Variants in EXD3 observed in about 807,000 individuals in gnomAD.
The protein encoded by EXD3 is exonuclease 3'-5' domain containing 3.
In EXD3, 92 loss-of-function variants were observed where a neutral mutation model predicts 98.0. That is an observed-to-expected ratio of 0.94 (90% CI 0.79 to 1.12). The LOEUF (loss-of-function observed/expected upper bound fraction) is 1.12. EXD3 is among the 50% of genes most tolerant of loss of function. The probability of loss-of-function intolerance (pLI) is 0.00; values close to 1 mark genes in which losing one functional copy is unlikely to be tolerated. For missense variants in EXD3, 1,222 were observed against 1,191.6 expected (o/e 1.03, Z -0.38); for synonymous variants, 569 against 526.0 (o/e 1.08, Z -1.12).
At chr9:137,391,562 C>CCCGCCCCAGGCCAA (rs1564202312) in intron 2 of EXD3, among the ~76,000 whole-genome samples, 2 of 148,474 alleles carry the variant, frequency 1.3e-5, no homozygotes, top group African/African-American at 5.0e-5. Flanking sequence ...GGGCCGGCCT[C>CCCGCCCCAGGCCAA]CCCGCCCCAC....
At chr9:137,342,849 C>T (rs1023856645) in intron 17 of EXD3, among the ~76,000 whole-genome samples, 17 of 152,156 alleles carry the variant, frequency 1.1e-4, no homozygotes, top group Admixed American at 6.5e-4. Flanking sequence ...CGGCCAGGCA[C>T]GGTGGCTCAT....
At chr9:137,333,333 C>A (rs1833189866) in intron 17 of EXD3, among the ~76,000 whole-genome samples, 2 of 152,172 alleles carry the variant, frequency 1.3e-5, no homozygotes, top group Non-Finnish European at 2.9e-5. Context: ...TGCAGACGGC[C>A]TGGGTGAGAC....
intron 8 of EXD3, among the ~76,000 whole-genome samples, chr9:137,355,984 C>T (rs1834762271): frequency 6.6e-6 from 1 of 152,160 alleles, no homozygotes; most frequent in Non-Finnish European, 1.5e-5. Flanking sequence ...TCAGCACTCA[C>T]CCTCAGCTCT....
intron 2 of EXD3, among the ~76,000 whole-genome samples, chr9:137,387,255 C>T (rs1453373744): frequency 6.6e-6 from 1 of 152,124 alleles, no homozygotes; most frequent in Admixed American, 6.5e-5. Flanking sequence ...GCCTGGGTCT[C>T]CTTCCAGGCC....
intron 2 of EXD3, among the ~76,000 whole-genome samples, chr9:137,391,431 G>A (rs1836902471): frequency 6.6e-6 from 1 of 152,210 alleles, no homozygotes; most frequent in Non-Finnish European, 1.5e-5. Flanking sequence ...GGGAAGCCAG[G>A]GCAGCCTCAG....
chr9:137,376,663 T>C lies in EXD3; in HGVS notation c.121-3064A>G, dbSNP rs918478260. Among the ~76,000 whole-genome samples, 30 of 151,882 alleles carry C rather than the reference T, an allele frequency of 2.0e-4. 1 individual carries two copies. The highest frequency in any genetic ancestry group is 7.0e-4 in the African/African-American group (29 of 41,368). On this transcript the variant is annotated intron_variant, in intron 3 of 21. Transcript: ENST00000340951. ...TGCCTCTTTTGGCCGGGGATGGTGG[T>C]TCACGCCTGTAATCCTAGCACTTTG...
In EXD3 at chr9:137,395,244, A is replaced by C. The variant is rs9695232; in HGVS notation, c.55+59T>G. ...GTGGGCGCCACCACCCCCCATGCAC[A>C]CCCACGCACCTCCCCCCACAGCCCC... On this transcript the variant is annotated intron_variant, in intron 2 of 21. Coordinates refer to ENST00000340951, the MANE Select transcript of EXD3 (RefSeq NM_017820.5). The surrounding 1 kb of genome is among the most constrained non-coding windows in gnomAD (Gnocchi z 6.5). 0.57 allele frequency: 741,989 copies of C among 1,296,942 alleles called. 219,355 individuals are homozygous for C. Among genetic ancestry groups the C allele is most frequent in the African/African-American group, 0.91 (60,453 of 66,764 alleles). 80.3% of individuals were successfully genotyped at this position (1,296,942 alleles called of 1,614,324 possible).
chr9:137,377,124 G>C (rs1835948831), intron 3 of EXD3: 1 of 152,118 alleles, frequency 6.6e-6, no homozygotes, highest in South Asian at 2.1e-4. Context: ...CGTGGTTACA[G>C]CCAAACACAG....
intron 2 of EXD3, chr9:137,392,782 C>CT (rs1836995025): frequency 3.2e-6 from 1 of 316,726 alleles, no homozygotes. Context: ...CGAGGCTGTT[C>CT]CAGGGGGCAT....
chr9:137,389,532 G>A (rs117782208), intron 2 of EXD3, among the ~76,000 whole-genome samples: 3 of 152,202 alleles, frequency 2.0e-5, no homozygotes, highest in South Asian at 2.1e-4. Context: ...CCCACCGTTC[G>A]ATGCTGTGGA....
In EXD3 at chr9:137,393,301, C is replaced by CG. The variant is rs1554733811; in HGVS notation, c.55+2001dup. 10 of 697,514 alleles carry CG rather than the reference C, an allele frequency of 1.4e-5. No individual in the cohort carries two copies. Among genetic ancestry groups the CG allele is most frequent in the Non-Finnish European group, 2.4e-5 (9 of 382,072 alleles). The allele number at this position is 697,514 out of a possible 1,614,324, so 43.2% of individuals were successfully genotyped here. On this transcript the variant is annotated intron_variant, in intron 2 of 21. Transcript: ENST00000340951. The surrounding 1 kb of genome is among the most constrained non-coding windows in gnomAD (Gnocchi z 4.6). The stretch of plus-strand genomic sequence containing the variant: ...GGTCCCATGCGCTCCCCGGCCCTGA[C>CG]GGCGGTCTCCAGGGGAGGTAACAGG...
rs201064854 is a variant in EXD3, at chr9:137,373,037, C to A, written c.330G>T (p.Ala110=). Residue 110 remains alanine, a synonymous_variant, in exon 5 of 22, where the codon GCG becomes GCT. Coordinates refer to ENST00000340951, the MANE Select transcript of EXD3 (RefSeq NM_017820.5). ...GGGGGCTCTCAGTGAGGACTTTGAC[C>A]GCTCGGGCCTGCAGCTGCTTCAGCC... The part of the protein sequence containing the change: ...SLRLKQLQAR[A]VKVLTESPPS... 1.3e-6 allele frequency: 2 copies of A among 1,599,620 alleles called. No homozygotes were observed. Among genetic ancestry groups the A allele is most frequent in the African/African-American group, 1.3e-5 (1 of 74,812 alleles).
At chr9:137,314,091 G>A (rs1051848458) in intron 19 of EXD3, among the ~76,000 whole-genome samples, 7 of 152,132 alleles carry the variant, frequency 4.6e-5, no homozygotes, top group African/African-American at 9.7e-5. Context: ...CCCTAGAGCC[G>A]CCCAACCGAT....
intron 2 of EXD3, among the ~76,000 whole-genome samples, chr9:137,390,053 T>G (rs1196520495): frequency 2.6e-5 from 3 of 115,924 alleles, no homozygotes; most frequent in African/African-American, 3.5e-5. Flanking sequence ...ACCTGGGAGG[T>G]GGAGGTTGCA....
At chr9:137,365,168 C>T (rs1835162690) in intron 7 of EXD3, 1 of 151,906 alleles carries the variant, frequency 6.6e-6, no homozygotes, top group African/African-American at 2.4e-5. Flanking sequence ...CCTGCTCCCT[C>T]TGATGAAAAG....
intron 3 of EXD3, among the ~76,000 whole-genome samples, chr9:137,376,877 C>T (rs7870007): frequency 0.2 from 28,529 of 145,492 alleles, 3,379 homozygotes; most frequent in African/African-American, 0.35. Flanking sequence ...CGCGGTGAGC[C>T]GAGATTGCGC....
chr9:137,386,607 CTT>C (rs1836602587), intron 2 of EXD3, among the ~76,000 whole-genome samples: 1 of 152,134 alleles, frequency 6.6e-6, no homozygotes, highest in Non-Finnish European at 1.5e-5. Context: ...GGCCAGGCCA[CTT>C]TATGGACTCC....
intron 1 of EXD3, among the ~76,000 whole-genome samples, chr9:137,414,942 CA>C (rs1001626770): frequency 1.3e-5 from 2 of 152,228 alleles, no homozygotes; most frequent in African/African-American, 4.8e-5. Context: ...AGCTGGAGTG[CA>C]GGGGGGCGAT....
chr9:137,327,283 T>G (rs113449371), intron 17 of EXD3, among the ~76,000 whole-genome samples: 3,100 of 152,044 alleles, frequency 0.02, 103 homozygotes, highest in East Asian at 0.16. Flanking sequence ...ATAGGCGCCC[T>G]CCACCACGGC....
Sources: gnomAD v4.1 joint callset for allele counts (sites outside exome capture counted in the v4.1 genomes callset) on GRCh38, gnomAD v4.1.1 for gene constraint, Gnocchi (gnomAD v3.1) non-coding constraint, MANE v1.5 for transcripts, NCBI Gene and HGNC (gene_info 2026-07-23, HGNC 2026-07-21) for gene names.